Variants in FGD6 observed in about 807,000 individuals in gnomAD.
The protein encoded by FGD6 is FYVE, RhoGEF and PH domain-containing protein 6.
A neutral mutation model predicts 149.4 loss-of-function variants in FGD6; 90 were observed. That is an observed-to-expected ratio of 0.60 (90% CI 0.51 to 0.72). The LOEUF (loss-of-function observed/expected upper bound fraction) is 0.72, where lower values mean the gene tolerates loss of function less well. FGD6 is among the 30% of genes least tolerant of loss of function. The probability of loss-of-function intolerance (pLI) is 0.00; values close to 1 mark genes in which losing one functional copy is unlikely to be tolerated. For missense variants in FGD6, 1,437 were observed against 1,684.8 expected, an observed-to-expected ratio of 0.85 and a Z score of 2.57; for synonymous variants, 527 against 584.0, an observed-to-expected ratio of 0.90 and a Z score of 1.41.
At chr12:95,100,745 G>C in intron 14 of FGD6, 1 of 508,298 alleles carries the variant, frequency 2.0e-6, no homozygotes, top group South Asian at 1.5e-5. Flanking sequence ...CATCTTGCCT[G>C]GAGCAAGGAT....
chr12:95,176,229 T>G (rs1266275523), intron 2 of FGD6, among the ~76,000 whole-genome samples: 1 of 152,138 alleles, frequency 6.6e-6, no homozygotes, highest in South Asian at 2.1e-4. Context: ...TGAGCCACCA[T>G]ATGCAGCCAA....
intron 18 of FGD6, among the ~76,000 whole-genome samples, chr12:95,089,141 G>A (rs1214989370): frequency 6.6e-6 from 1 of 152,202 alleles, no homozygotes; most frequent in Non-Finnish European, 1.5e-5. Flanking sequence ...TTTAAAGGAA[G>A]TTTAAAGGAA....
chr12:95,104,840 G>A (rs1878556705), intron 14 of FGD6, among the ~76,000 whole-genome samples, 167 bp downstream of exon 14: 1 of 151,860 alleles, frequency 6.6e-6, no homozygotes, highest in South Asian at 2.1e-4. Context: ...TTGGGCCATG[G>A]AGGTGGAGGC....
intron 19 of FGD6, 101 bp downstream of exon 19, chr12:95,085,679 A>G: frequency 7.2e-7 from 1 of 1,385,804 alleles, no homozygotes; most frequent in South Asian, 1.7e-5. Context: ...AAGCAAAGCA[A>G]AAAATCTTAT....
At chr12:95,201,005 T>C (rs2056656770) in intron 2 of FGD6, among the ~76,000 whole-genome samples, 1 of 151,860 alleles carries the variant, frequency 6.6e-6, no homozygotes, top group Non-Finnish European at 1.5e-5. Flanking sequence ...TAGGCTGATA[T>C]AAACATGTCT....
chr12:95,100,230 A>AGG (rs1878379270), intron 14 of FGD6, among the ~76,000 whole-genome samples: 1 of 152,226 alleles, frequency 6.6e-6, no homozygotes, highest in African/African-American at 2.4e-5. Context: ...CCTTAAGGAC[A>AGG]GGGATTGCAC....
rs555635954 is a variant in FGD6 at position 95,079,075 on chromosome 12, T to G, written c.*2445A>C. ...TTTTTATAGCTTTTTTTACAATAAATTGCATATAATTAGGTTCTTAGTTGA... is the reference window on the plus strand; with the variant it reads ...TTTTTATAGCTTTTTTTACAATAAAGTGCATATAATTAGGTTCTTAGTTGA... On this transcript the variant is annotated 3_prime_UTR_variant, in exon 21 of 21. Coordinates refer to ENST00000343958, the MANE Select transcript of FGD6 (RefSeq NM_018351.4). 1 of 152,224 alleles carries G rather than the reference T, an allele frequency of 6.6e-6. No individual in the cohort carries two copies. Among genetic ancestry groups the G allele is most frequent in the African/African-American group, 2.4e-5 (1 of 41,552 alleles). The allele number at this position is 152,224 out of a possible 1,614,324, so 9.4% of individuals were successfully genotyped here.
intron 20 of FGD6, 133 bp from the exon 21 acceptor site, chr12:95,081,689 T>TTA: frequency 3.0e-6 from 1 of 337,816 alleles, no homozygotes; most frequent in Admixed American, 4.9e-5. Flanking sequence ...ATATGTATTT[T>TTA]TTTTTTTTTT....
At chr12:95,101,419 T>C (rs1184550286) in intron 14 of FGD6, among the ~76,000 whole-genome samples, 2 of 152,120 alleles carry the variant, frequency 1.3e-5, no homozygotes, top group East Asian at 3.9e-4. Flanking sequence ...GATCTGGAAA[T>C]CATGAACATC....
At position 95,209,384 on chromosome 12, in the gene FGD6, T is replaced by G; in HGVS notation, c.1900A>C (p.Lys634Gln). 6.2e-7 allele frequency: 1 copy of G among 1,613,402 alleles called. No individual in the cohort carries two copies. Among genetic ancestry groups the G allele is most frequent in the Non-Finnish European group, 8.5e-7 (1 of 1,179,548 alleles). ...CTCTTCATGAAACAGATGGACAGTT[T>G]CATGCTGAGCAACTTTTTAAAAGAG... ...KNSFKKLLSM[K>Q]LSICFMKSDF... is the part of the protein sequence containing the mutation. Residue 634 changes from lysine (K) to glutamine (Q), a missense_variant, in exon 2 of 21, where the codon AAA (lysine) becomes CAA (glutamine). By Grantham distance (53) the Lys-to-Gln change is moderately conservative. Coordinates refer to ENST00000343958, the MANE Select transcript of FGD6 (RefSeq NM_018351.4).
intron 7 of FGD6, among the ~76,000 whole-genome samples, chr12:95,135,271 G>A (rs1879635346): frequency 6.6e-6 from 1 of 152,188 alleles, no homozygotes; most frequent in Admixed American, 6.6e-5. Flanking sequence ...TCAGAGCCTT[G>A]TGGTCAATAT....
At chr12:95,136,837 C>T (rs1879679739) in intron 7 of FGD6, among the ~76,000 whole-genome samples, 1 of 152,184 alleles carries the variant, frequency 6.6e-6, no homozygotes, top group South Asian at 2.1e-4. Flanking sequence ...TATAGAGCTT[C>T]AGTTTTGCAA....
chr12:95,110,922 T>C (rs536561990), intron 9 of FGD6, among the ~76,000 whole-genome samples: 141 of 152,140 alleles, frequency 9.3e-4, no homozygotes, highest in African/African-American at 3.2e-3. Flanking sequence ...CTCTTCTGCC[T>C]ACCTTTCAAA....
At position 95,106,146 on chromosome 12, in the gene FGD6, A is replaced by C. The variant is rs143075581; in HGVS notation, c.3417+808T>G. 9.6e-4 allele frequency among the ~76,000 whole-genome samples: 146 copies of C among 152,278 alleles called. 3 individuals carry two copies. The highest frequency in any genetic ancestry group is 5.6e-3 in the South Asian group (27 of 4,824). On this transcript the variant is annotated intron_variant, in intron 13 of 20. Transcript: ENST00000343958. ...TTGTTGTTGTTATTATTTTTAATAGAGATGGGGGTTTCACTGTGTTGCCCA... is the reference window on the plus strand; with the variant it reads ...TTGTTGTTGTTATTATTTTTAATAGCGATGGGGGTTTCACTGTGTTGCCCA...
chr12:95,113,709 A>C lies in FGD6; in HGVS notation c.3083-8T>G. On this transcript the variant is annotated splice_region_variant and splice_polypyrimidine_tract_variant and intron_variant, in intron 8 of 20. Transcript: ENST00000343958. Reference sequence around the variant, plus strand: ...TGAGATTCTTCAAATAATCTAGAAAAGAAGAAAAAAAAGTATTTAAGTACA... The same window carrying C: ...TGAGATTCTTCAAATAATCTAGAAACGAAGAAAAAAAAGTATTTAAGTACA... The C allele has an allele frequency of 6.4e-7, 1 of 1,565,214 alleles. No homozygotes were observed. Among genetic ancestry groups the C allele is most frequent in the Non-Finnish European group, 8.7e-7 (1 of 1,149,314 alleles).
chr12:95,099,066 G>A (rs921384606), intron 14 of FGD6, among the ~76,000 whole-genome samples: 12 of 151,984 alleles, frequency 7.9e-5, no homozygotes, highest in South Asian at 2.1e-4. Context: ...AATATTAAAC[G>A]GGGTTTCACC....
In FGD6 at chr12:95,211,236, G is replaced by A; in HGVS notation, c.48C>T (p.Pro16=). Residue 16 remains proline (P), a synonymous_variant, in exon 2 of 21, where the codon CCC becomes CCT. Transcript: ENST00000343958. ...GCTTATTATTTGCCACAACAAACTTGGGCTTGGGGGCCACTGGTGGCTTCT... is the reference window on the plus strand; with the variant it reads ...GCTTATTATTTGCCACAACAAACTTAGGCTTGGGGGCCACTGGTGGCTTCT... ...EIKKPPVAPK[P]KFVVANNKPA... The A allele has an allele frequency of 1.3e-6, 2 of 1,593,632 alleles. No homozygotes were observed. Among genetic ancestry groups the A allele is most frequent in the Non-Finnish European group, 1.7e-6 (2 of 1,173,666 alleles).
At chr12:95,189,794 G>A (rs1316628520) in intron 2 of FGD6, among the ~76,000 whole-genome samples, 1 of 152,080 alleles carries the variant, frequency 6.6e-6, no homozygotes, top group Non-Finnish European at 1.5e-5. Context: ...CCTAGCTAGA[G>A]CTAATATATT....
chr12:95,154,898 G>A (rs1231982938), intron 3 of FGD6, among the ~76,000 whole-genome samples: 1 of 152,114 alleles, frequency 6.6e-6, no homozygotes, highest in Non-Finnish European at 1.5e-5. Flanking sequence ...GACTCACTGT[G>A]ATGGATCACA....
Sources: allele counts gnomAD v4.1 joint callset (sites outside exome capture counted in the v4.1 genomes callset), GRCh38; gene constraint gnomAD v4.1.1; transcripts MANE v1.5; gene names NCBI Gene and HGNC (gene_info 2026-07-23, HGNC 2026-07-21).